VWA3A: variants seen among roughly 807,000 people sequenced by gnomAD.
The protein encoded by VWA3A is von Willebrand factor A domain-containing protein 3A.
In VWA3A, 134 loss-of-function variants were observed where a neutral mutation model predicts 160.4. The observed-to-expected ratio is 0.84, with a 90% CI of 0.73 to 0.96. The LOEUF is 0.96. Among genes scored for constraint, VWA3A ranks in the 40% least tolerant of loss-of-function variants. VWA3A has a pLI of 0.00. For synonymous variants in VWA3A, 476 were observed against 543.4 expected, an observed-to-expected ratio of 0.88 and a Z score of 1.72; for missense variants, 1,310 against 1,447.9, an observed-to-expected ratio of 0.90 and a Z score of 1.55.
At chr16:22,135,109 G>T (rs1399339746) in intron 21 of VWA3A, among the ~76,000 whole-genome samples, 3 of 152,178 alleles carry the variant, frequency 2.0e-5, no homozygotes, top group African/African-American at 2.4e-5. Flanking sequence ...GGGAGATGAA[G>T]AACTTGCTTG....
At chr16:22,121,644 G>A (rs750687311) in intron 14 of VWA3A, 27 bp downstream of exon 14, 9 of 1,557,312 alleles carry the variant, frequency 5.8e-6, no homozygotes, top group Non-Finnish European at 3.5e-6. Flanking sequence ...ATTCTCTCCA[G>A]TCCTCCACAG....
chr16:22,102,632 C>T (rs2045423817), intron 5 of VWA3A, among the ~76,000 whole-genome samples: 1 of 152,168 alleles, frequency 6.6e-6, no homozygotes, highest in African/African-American at 2.4e-5. Context: ...GAAGGTCCCC[C>T]AGCTACTTTT....
chr16:22,137,150 A>G (rs1326310893), intron 21 of VWA3A, among the ~76,000 whole-genome samples: 1 of 152,160 alleles, frequency 6.6e-6, no homozygotes, highest in African/African-American at 2.4e-5. Context: ...ACATAGTCCC[A>G]TTCCCTCATC....
rs758822448 is a variant in VWA3A, at chr16:22,146,263, C to T, written c.2758C>T (p.Pro920Ser). Residue 920 changes from proline (P) to serine (S), a missense_variant, in exon 27 of 34, where the codon CCC becomes TCC. By Grantham distance (74) the Pro-to-Ser change is moderately conservative. Transcript: ENST00000389398. ...HGVVRHIQWT[P>S]REMEVYIRHL... ...AGTGGTGAGACACATCCAGTGGACG[C>T]CCAGGGAGATGGAGGTGTACATCAG... The T allele has an allele frequency of 1.5e-5, 24 of 1,613,490 alleles. No homozygotes were observed. The African/African-American group carries it at 2.8e-4, about 19-fold the overall frequency.
intron 6 of VWA3A, among the ~76,000 whole-genome samples, chr16:22,107,662 C>T (rs1200914573): frequency 2.0e-5 from 3 of 152,200 alleles, no homozygotes; most frequent in Non-Finnish European, 4.4e-5. Flanking sequence ...AGGAGGATCA[C>T]TTGAGCCCAG....
chr16:22,111,578 T>G (rs905756418), intron 8 of VWA3A, among the ~76,000 whole-genome samples: 3 of 152,060 alleles, frequency 2.0e-5, no homozygotes, highest in Non-Finnish European at 4.4e-5. Context: ...ACCCCACGGG[T>G]TCAGGTGATT....
Position 22,092,600 on chromosome 16 carries a change from G to A in VWA3A, c.-38G>A, listed in dbSNP as rs751201919. On this transcript the variant is annotated 5_prime_UTR_variant, in exon 1 of 34. Transcript: ENST00000389398. Reference sequence around the variant, plus strand: ...GAGATCCAGGAGAAGTAAGGCCCTGGAGTGCCAGGAGCCCTTCTCCCAAAG... The same window carrying A: ...GAGATCCAGGAGAAGTAAGGCCCTGAAGTGCCAGGAGCCCTTCTCCCAAAG... 3.9e-6 allele frequency: 6 copies of A among 1,549,556 alleles called. No individual in the cohort carries two copies. The highest frequency in any genetic ancestry group is 1.4e-5 in the African/African-American group (1 of 73,014).
Position 22,123,702 on chromosome 16 carries a change from A to G in VWA3A, c.1527A>G (p.Glu509=). The change falls in exon 16 of 34, where the codon GAA becomes GAG. Residue 509 remains glutamate, a synonymous_variant. Transcript: ENST00000389398. The part of the protein sequence containing the change: ...ASRRIWGTVC[E]KRVVVLLDIS... ...GAAGAATCTGGGGCACAGTCTGTGA[A>G]AAAAGGTACCTTTCTTAAGCAGGGT... 1.2e-6 allele frequency: 2 copies of G among 1,613,494 alleles called. No homozygotes were observed. Among genetic ancestry groups the G allele is most frequent in the Middle Eastern group, 3.3e-4 (2 of 6,058 alleles).
intron 13 of VWA3A, 89 bp downstream of exon 13, chr16:22,121,192 T>C (rs536246598): frequency 6.3e-7 from 1 of 1,577,916 alleles, no homozygotes; most frequent in Admixed American, 1.7e-5. Context: ...ACACCTGCAA[T>C]CCCAGCACTT....
Position 22,138,680 on chromosome 16 carries a change from CG to C in VWA3A, c.2292+174del, listed in dbSNP as rs981650700. The C allele has an allele frequency of 2.5e-4, 219 of 882,520 alleles. No individual in the cohort carries two copies. In the African/African-American group the frequency reaches 3.5e-3, roughly 14 times the overall value. The allele number at this position is 882,520 out of a possible 1,614,324, so 54.7% of individuals were successfully genotyped here. A position where few individuals can be genotyped will look rare whatever the true frequency, so the allele number is the denominator to read the frequency against. ...AGGCCTCCAGGGGGAAAATCTCCCGCGGGGGGCCGGCTCCTCAGCTCTCGGG... is the reference window on the plus strand; with the variant it reads ...AGGCCTCCAGGGGGAAAATCTCCCGCGGGGGCCGGCTCCTCAGCTCTCGGG... On this transcript the variant is annotated intron_variant, in intron 22 of 33. Coordinates refer to ENST00000389398, the MANE Select transcript of VWA3A (RefSeq NM_173615.5).
At chr16:22,096,790 A>T in intron 1 of VWA3A, 69 bp from the exon 2 acceptor site, 2 of 1,029,886 alleles carry the variant, frequency 1.9e-6, no homozygotes, top group Non-Finnish European at 2.9e-6. Context: ...TGCTGAATAT[A>T]GATACCCCCC....
chr16:22,137,391 G>A (rs1355627811), intron 21 of VWA3A, among the ~76,000 whole-genome samples: 1 of 152,220 alleles, frequency 6.6e-6, no homozygotes, highest in Non-Finnish European at 1.5e-5. Context: ...TGGCCCACAA[G>A]TGGAGGCCAC....
At chr16:22,155,293 A>G (rs553430764) in intron 31 of VWA3A, among the ~76,000 whole-genome samples, 21 of 152,148 alleles carry the variant, frequency 1.4e-4, no homozygotes, top group Non-Finnish European at 2.5e-4. Context: ...GAGTGGGGCC[A>G]CTTTCACTCA....
At chr16:22,134,706 T>C (rs915309244) in intron 21 of VWA3A, among the ~76,000 whole-genome samples, 1 of 151,858 alleles carries the variant, frequency 6.6e-6, no homozygotes. Flanking sequence ...TTGCACTGGT[T>C]GCTCTTTTAA....
intron 21 of VWA3A, among the ~76,000 whole-genome samples, 174 bp from the exon 22 acceptor site, chr16:22,138,186 G>C (rs192734107): frequency 6.6e-6 from 1 of 151,712 alleles, no homozygotes; most frequent in Non-Finnish European, 1.5e-5. Context: ...TCTTACTGTT[G>C]TTCATAGGAT....
At position 22,097,723 on chromosome 16, in the gene VWA3A, C is replaced by CGT. The variant is rs887283193; in HGVS notation, c.225+30_225+31dup. 7 of 1,549,990 alleles carry CGT rather than the reference C, an allele frequency of 4.5e-6. No individual in the cohort carries two copies. The African/African-American group carries it at 9.6e-5, about 21-fold the overall frequency. ...AAAGACCATGGCACTTTAACTGGGTCGTGATACTACAAATCATTCAGAGAA... is the reference window on the plus strand; with the variant it reads ...AAAGACCATGGCACTTTAACTGGGTCGTGTGATACTACAAATCATTCAGAGAA... On this transcript the variant is annotated intron_variant, in intron 3 of 33. Transcript: ENST00000389398.
At chr16:22,131,340 T>A in intron 18 of VWA3A, 61 bp downstream of exon 18, 1 of 1,577,844 alleles carries the variant, frequency 6.3e-7, no homozygotes, top group Non-Finnish European at 8.7e-7. Flanking sequence ...AGGCATTGTT[T>A]TCTCTGTCCC....
chr16:22,104,643 G>T (rs1402243658), intron 6 of VWA3A, among the ~76,000 whole-genome samples: 3 of 152,018 alleles, frequency 2.0e-5, no homozygotes, highest in African/African-American at 4.8e-5. Flanking sequence ...TTTTGCCACT[G>T]CACTCCAGCC....
chr16:22,093,939 A>AC (rs537370735), intron 1 of VWA3A, among the ~76,000 whole-genome samples: 4 of 141,088 alleles, frequency 2.8e-5, no homozygotes, highest in African/African-American at 1.0e-4. Flanking sequence ...TAATTTTTGT[A>AC]TTTTTTTTTT....
Sources: allele counts gnomAD v4.1 joint callset (sites outside exome capture counted in the v4.1 genomes callset), GRCh38; gene constraint gnomAD v4.1.1; transcripts MANE v1.5; gene names NCBI Gene and HGNC (gene_info 2026-07-23, HGNC 2026-07-21).